The following HDAC8 variants were observed in gnomAD, a reference collection of about 807,000 sequenced individuals.
The protein encoded by HDAC8 is histone deacetylase-like 1.
In HDAC8, 1 loss-of-function variant was observed where a neutral mutation model predicts 32.2. The observed-to-expected ratio is 0.03, with a 90% CI of 0.01 to 0.15. HDAC8 has a LOEUF of 0.15. HDAC8 is among the 10% of genes least tolerant of loss of function. The pLI, the probability that HDAC8 is intolerant of heterozygous loss-of-function variation, is 1.00. For synonymous variants in HDAC8, 108 were observed against 113.9 expected, an observed-to-expected ratio of 0.95 and a Z score of 0.33; for missense variants, 117 against 300.0, an observed-to-expected ratio of 0.39 and a Z score of 4.51.
At chrX:72,363,349 G>A (rs1438736462) in intron 9 of HDAC8, among the ~76,000 whole-genome samples, 1 of 111,703 alleles carries the variant, frequency 9.0e-6, no homozygotes, top group African/African-American at 3.3e-5. Context: ...GAAGGGTATA[G>A]GGATATTGCT....
rs907775445 is a variant in HDAC8 at position 72,492,555 on chromosome X, T to C, written c.551-1549A>G. Among the ~76,000 whole-genome samples, 35 of 109,002 alleles carry C rather than the reference T, an allele frequency of 3.2e-4. 1 individual carries two copies. The highest frequency in any genetic ancestry group is 1.1e-3 in the African/African-American group (32 of 29,926). The allele number at this position is 109,002 out of a possible 115,157, so 94.7% of individuals were successfully genotyped here. ...TTATGTAATCATGGGAGATTTAAAATAAACCAAATGCATAAGTGTTGGGGG... is the reference window on the plus strand; with the variant it reads ...TTATGTAATCATGGGAGATTTAAAACAAACCAAATGCATAAGTGTTGGGGG... On this transcript the variant is annotated intron_variant, in intron 5 of 10. Transcript: ENST00000373573.
intron 9 of HDAC8, among the ~76,000 whole-genome samples, chrX:72,443,499 C>T (rs1489508842): frequency 2.7e-5 from 3 of 111,499 alleles, no homozygotes; most frequent in Non-Finnish European, 5.6e-5. Context: ...AGAACAGAGA[C>T]ACAACATACC....
At chrX:72,344,764 A>G (rs1251126304) in intron 10 of HDAC8, among the ~76,000 whole-genome samples, 2 of 110,479 alleles carry the variant, frequency 1.8e-5, no homozygotes, top group African/African-American at 6.7e-5. Flanking sequence ...CCTACCTCCC[A>G]GTGCTGGTGA....
rs185159440 is a variant in HDAC8, at chrX:72,376,033, G to C, written c.1006-24195C>G. ...CTAGGAATATTTTCATTACATCTAGGTTATAAAATTTGTTGGCATACAGTT... is the reference window on the plus strand; with the variant it reads ...CTAGGAATATTTTCATTACATCTAGCTTATAAAATTTGTTGGCATACAGTT... On this transcript the variant is annotated intron_variant, in intron 9 of 10. Coordinates refer to ENST00000373573, the MANE Select transcript of HDAC8 (RefSeq NM_018486.3). Among the ~76,000 whole-genome samples, 3 of 110,647 alleles carry C rather than the reference G, an allele frequency of 2.7e-5. No individual in the cohort carries two copies. The East Asian group carries it at 8.5e-4, about 31-fold the overall frequency.
chrX:72,393,241 TGA>T (rs1448290414), intron 9 of HDAC8, among the ~76,000 whole-genome samples: 1 of 110,927 alleles, frequency 9.0e-6, no homozygotes, highest in Non-Finnish European at 1.9e-5. Flanking sequence ...GAGGCATGGG[TGA>T]GAGAGGGACA....
intron 4 of HDAC8, among the ~76,000 whole-genome samples, chrX:72,566,697 TCAGA>T (rs2051805265): frequency 8.9e-6 from 1 of 112,239 alleles, no homozygotes; most frequent in Non-Finnish European, 1.9e-5. Flanking sequence ...TTCATTTCTC[TCAGA>T]CAGAGGATCG....
intron 10 of HDAC8, among the ~76,000 whole-genome samples, chrX:72,331,710 G>C (rs1412443869): frequency 9.0e-6 from 1 of 111,072 alleles, no homozygotes; most frequent in Non-Finnish European, 1.9e-5. Flanking sequence ...CATAATTACT[G>C]TTCAATATCC....
At chrX:72,333,442 G>A (rs1038428007) in intron 10 of HDAC8, among the ~76,000 whole-genome samples, 27 of 111,753 alleles carry the variant, frequency 2.4e-4, no homozygotes, top group African/African-American at 6.5e-4. Context: ...TAATCCCAGC[G>A]CTCTGGGAGG....
At chrX:72,512,302 T>C (rs1247014619) in intron 4 of HDAC8, among the ~76,000 whole-genome samples, 1 of 111,930 alleles carries the variant, frequency 8.9e-6, no homozygotes, top group Non-Finnish European at 1.9e-5. Flanking sequence ...ATTAACCTTC[T>C]GATAGGTGCT....
chrX:72,507,507 C>T lies in HDAC8; in HGVS notation c.438-12239G>A, dbSNP rs538637827. On this transcript the variant is annotated intron_variant, in intron 4 of 10. Transcript: ENST00000373573. ...GTTAACCACAAGTGACCATCCTACA[C>T]TGACACATTATTCCAAGGGAAGACC... is the stretch of plus-strand genomic sequence containing the variant. 6.2e-5 allele frequency among the ~76,000 whole-genome samples: 7 copies of T among 112,133 alleles called. 1 individual carries two copies. The East Asian group carries it at 1.4e-3, about 22-fold the overall frequency.
intron 4 of HDAC8, among the ~76,000 whole-genome samples, chrX:72,524,068 G>A (rs1386029782): frequency 1.8e-5 from 2 of 112,087 alleles, no homozygotes. Flanking sequence ...TATTGTCTAT[G>A]GCTGCTTTAA....
intron 6 of HDAC8, 175 bp from the exon 7 acceptor site, chrX:72,489,216 C>T (rs782646426): frequency 1.8e-5 from 9 of 491,780 alleles, no homozygotes; most frequent in Non-Finnish European, 3.2e-5. Context: ...ACTGAAAAAC[C>T]TCAGTTTTCA....
chrX:72,367,345 C>T (rs2044731910), intron 9 of HDAC8, among the ~76,000 whole-genome samples: 1 of 111,876 alleles, frequency 8.9e-6, no homozygotes, highest in African/African-American at 3.3e-5. Flanking sequence ...TAGGAAAGGT[C>T]CCCAGCACTG....
chrX:72,500,267 C>T (rs782732415), intron 4 of HDAC8, among the ~76,000 whole-genome samples: 4 of 111,585 alleles, frequency 3.6e-5, no homozygotes, highest in Non-Finnish European at 5.7e-5. Flanking sequence ...GACTCTTCCT[C>T]GACTCATTCT....
intron 4 of HDAC8, among the ~76,000 whole-genome samples, chrX:72,523,704 G>A (rs781978307): frequency 4.8e-4 from 54 of 111,874 alleles, no homozygotes; most frequent in South Asian, 1.5e-3. Context: ...TGATATTAAC[G>A]ATTATCAAAC....
intron 9 of HDAC8, among the ~76,000 whole-genome samples, chrX:72,420,921 T>G (rs1555973332): frequency 9.0e-6 from 1 of 111,546 alleles, no homozygotes; most frequent in Non-Finnish European, 1.9e-5. Context: ...TGCCAATCTC[T>G]GCCTTTTGAT....
chrX:72,535,820 C>T, intron 4 of HDAC8, among the ~76,000 whole-genome samples: 1 of 111,729 alleles, frequency 9.0e-6, no homozygotes, highest in East Asian at 2.8e-4. Context: ...TCCAAAATCC[C>T]TGTATCTATA....
intron 9 of HDAC8, among the ~76,000 whole-genome samples, chrX:72,356,809 C>T (rs2044382091): frequency 8.9e-6 from 1 of 111,745 alleles, no homozygotes; most frequent in African/African-American, 3.3e-5. Flanking sequence ...TGATTGAATG[C>T]CTGACCTCAG....
rs781985691 is a variant in HDAC8, at chrX:72,513,904, G to C, written c.438-18636C>G. On this transcript the variant is annotated intron_variant, in intron 4 of 10. Coordinates refer to ENST00000373573, the MANE Select transcript of HDAC8 (RefSeq NM_018486.3). ...GAGAAACAAAGCATGGATTTATGTA[G>C]AGGCTGATCCTGGGTCAAGAGTCAC... Among the ~76,000 whole-genome samples the C allele has an allele frequency of 6.2e-5, 7 of 112,026 alleles. No individual in the cohort carries two copies. The South Asian group carries it at 2.6e-3, about 42-fold the overall frequency.
Sources: gnomAD v4.1 joint callset for allele counts (sites outside exome capture counted in the v4.1 genomes callset) on GRCh38, gnomAD v4.1.1 for gene constraint, MANE v1.5 for transcripts, NCBI Gene and HGNC (gene_info 2026-07-23, HGNC 2026-07-21) for gene names.